Variants in SUPT6H observed in about 807,000 individuals in gnomAD.
SUPT6H encodes the protein transcription elongation factor SPT6.
A neutral mutation model predicts 222.3 loss-of-function variants in SUPT6H; 11 were observed. That is an observed-to-expected ratio of 0.05 (90% confidence interval 0.03 to 0.08). The LOEUF (loss-of-function observed/expected upper bound fraction) is 0.08, where lower values mean the gene tolerates loss of function less well. SUPT6H is among the 10% of genes least tolerant of loss of function. The pLI is 1.00. For synonymous variants in SUPT6H, 762 were observed against 801.2 expected (o/e 0.95, Z 0.83); for missense variants, 1,422 against 2,216.0 (o/e 0.64, Z 7.19).
At chr17:28,689,312 C>G in intron 24 of SUPT6H, 42 bp from the exon 25 acceptor site, 1 of 1,600,752 alleles carries the variant, frequency 6.2e-7, no homozygotes, top group East Asian at 2.2e-5. Flanking sequence ...TTACTAGAAG[C>G]TTATCGTTCT....
chr17:28,663,440 C>G (rs1190747107), intron 1 of SUPT6H, among the ~76,000 whole-genome samples: 1 of 152,146 alleles, frequency 6.6e-6, no homozygotes, highest in African/African-American at 2.4e-5. Flanking sequence ...AAAGTGGTAC[C>G]GTCTGGAGAG....
intron 29 of SUPT6H, among the ~76,000 whole-genome samples, 181 bp downstream of exon 29, chr17:28,695,728 T>C (rs774991135): frequency 2.0e-5 from 3 of 152,348 alleles, no homozygotes; most frequent in Non-Finnish European, 4.4e-5. Flanking sequence ...CCAGAGTCTC[T>C]TGGGTCACAT....
At chr17:28,691,652 C>G (rs972444704) in intron 27 of SUPT6H, 2 of 151,870 alleles carry the variant, frequency 1.3e-5, no homozygotes, top group African/African-American at 4.8e-5. Context: ...AGATCGAGAC[C>G]ATCCTGGCTA....
intron 1 of SUPT6H, among the ~76,000 whole-genome samples, chr17:28,667,550 G>A (rs1055947129): frequency 1.5e-4 from 22 of 147,496 alleles, no homozygotes; most frequent in African/African-American, 4.7e-4. Context: ...ATATATATAT[G>A]TATATATGAT....
intron 26 of SUPT6H, among the ~76,000 whole-genome samples, chr17:28,690,458 G>A (rs1176596592): frequency 6.6e-6 from 1 of 152,186 alleles, no homozygotes; most frequent in African/African-American, 2.4e-5. Flanking sequence ...TCTTCTTATA[G>A]GCTTTATTTT....
At chr17:28,687,497 T>G in intron 23 of SUPT6H, 26 bp downstream of exon 23, 1 of 1,608,462 alleles carries the variant, frequency 6.2e-7, no homozygotes, top group South Asian at 1.1e-5. Flanking sequence ...ATTCAGAAAT[T>G]TTAAAACTTG....
At position 28,676,202 on chromosome 17, in the gene SUPT6H, T is replaced by C. The variant is rs2030737757; in HGVS notation, c.669T>C (p.Tyr223=). The change falls in exon 7 of 37, where the codon TAT becomes TAC. Residue 223 remains tyrosine, a synonymous_variant. Coordinates refer to ENST00000314616, the MANE Select transcript of SUPT6H (RefSeq NM_003170.5). ...AAATCTTCGGTGTGGACTTTGACTA[T>C]GATGAATTTGAGAAATACAATGAGT... The part of the protein sequence containing the change: ...AQEIFGVDFD[Y]DEFEKYNEYD... 3 of 1,610,346 alleles carry C rather than the reference T, an allele frequency of 1.9e-6. No homozygotes were observed. The highest frequency in any genetic ancestry group is 1.7e-6 in the Non-Finnish European group (2 of 1,178,290).
intron 15 of SUPT6H, 50 bp downstream of exon 15, chr17:28,683,142 T>A: frequency 6.4e-7 from 1 of 1,561,838 alleles, no homozygotes; most frequent in Non-Finnish European, 8.7e-7. Flanking sequence ...GCTCTTTCTT[T>A]GATTGCCTGA....
intron 1 of SUPT6H, among the ~76,000 whole-genome samples, chr17:28,665,274 T>C (rs1186245976): frequency 6.6e-6 from 1 of 152,218 alleles, no homozygotes; most frequent in African/African-American, 2.4e-5. Flanking sequence ...CTACAGGTCA[T>C]ATCCTACCTA....
At chr17:28,696,786 G>T in intron 29 of SUPT6H, 58 bp from the exon 30 acceptor site, 1 of 1,500,306 alleles carries the variant, frequency 6.7e-7, no homozygotes, top group South Asian at 1.1e-5. Context: ...GGTTTGTCCT[G>T]TTGCTGCCAG....
At position 28,676,333 on chromosome 17, in the gene SUPT6H, G is replaced by C. The variant is rs1359674244; in HGVS notation, c.800G>C (p.Ser267Thr). Reference protein sequence around the residue: ...KTTKKRVSRRSIFEMYEPSEL... With the variant: ...KTTKKRVSRRTIFEMYEPSEL... ...ACCAAGAAGCGTGTGAGCCGTAGGA[G>C]CATCTTTGAAATGTATGAGCCCAGT... The change falls in exon 7 of 37, where the codon AGC becomes ACC. Residue 267 changes from serine (S) to threonine (T), a missense_variant. Coordinates refer to ENST00000314616, the MANE Select transcript of SUPT6H (RefSeq NM_003170.5). 1 of 1,613,536 alleles carries C rather than the reference G, an allele frequency of 6.2e-7. No homozygotes were observed. Among genetic ancestry groups the C allele is most frequent in the Admixed American group, 1.7e-5 (1 of 59,892 alleles).
At chr17:28,679,685 T>C (rs1184553344) in intron 11 of SUPT6H, among the ~76,000 whole-genome samples, 1 of 151,736 alleles carries the variant, frequency 6.6e-6, no homozygotes. Context: ...CGGCCGATCC[T>C]GTCTCATAAG....
At chr17:28,673,026 C>T (rs1489066678) in intron 1 of SUPT6H, among the ~76,000 whole-genome samples, 1 of 151,846 alleles carries the variant, frequency 6.6e-6, no homozygotes, top group East Asian at 2.0e-4. Context: ...TGGCGCATGC[C>T]TATAATCCCA....
intron 1 of SUPT6H, among the ~76,000 whole-genome samples, chr17:28,663,827 C>CTTTTTTTTTTTTTTTTTTT (rs1567681347): frequency 0.013 from 109 of 8,336 alleles, 4 homozygotes; most frequent in Middle Eastern, 0.1. Flanking sequence ...CTGCCCACTC[C>CTTTTTTTTTTTTTTTTTTT]ATTTTTTTTT....
chr17:28,686,134 C>T (rs1206137861), intron 19 of SUPT6H, among the ~76,000 whole-genome samples: 1 of 152,144 alleles, frequency 6.6e-6, no homozygotes, highest in South Asian at 2.1e-4. Flanking sequence ...ACCACTGGAG[C>T]GCAGTTCTAG....
Position 28,675,483 on chromosome 17 carries a change from C to T in SUPT6H, c.621C>T (p.Asp207=), listed in dbSNP as rs756343237. ...GGAAAAAGCTTCCTGGATACACAGA[C>T]GCGTGAGTGGGGTCTGGTACAAGGT... ...KWRKKLPGYT[D]AALQEAQEIF... Residue 207 remains aspartate (D), a splice_region_variant and synonymous_variant, in exon 6 of 37, where the codon GAC becomes GAT. Transcript: ENST00000314616. The T allele has an allele frequency of 1.5e-5, 25 of 1,613,972 alleles. No individual in the cohort carries two copies. The highest frequency in any genetic ancestry group is 1.6e-4 in the Middle Eastern group (1 of 6,084).
In SUPT6H at chr17:28,673,773, G is replaced by A. The variant is rs76537952; in HGVS notation, c.109+263G>A. ...TTGGGGGGTGGTTGATAATAAATCAGTAGATAAGTCTGTATATAATACTTT... is the reference window on the plus strand; with the variant it reads ...TTGGGGGGTGGTTGATAATAAATCAATAGATAAGTCTGTATATAATACTTT... On this transcript the variant is annotated intron_variant, in intron 2 of 36. Transcript: ENST00000314616. 2.2e-3 allele frequency among the ~76,000 whole-genome samples: 335 copies of A among 152,302 alleles called. 3 individuals carry two copies. Among genetic ancestry groups the A allele is most frequent in the African/African-American group, 7.2e-3 (298 of 41,558 alleles).
intron 25 of SUPT6H, 47 bp downstream of exon 25, chr17:28,689,608 G>A: frequency 6.3e-7 from 1 of 1,591,696 alleles, no homozygotes; most frequent in Non-Finnish European, 8.6e-7. Flanking sequence ...ATCCCAAGTG[G>A]CCAGGTTGGT....
Position 28,677,781 on chromosome 17 carries a change from A to G in SUPT6H, c.964A>G (p.Arg322Gly). The change falls in exon 8 of 37, where the codon AGG (arginine) becomes GGG (glycine). Residue 322 changes from arginine to glycine, a missense_variant. By Grantham distance (125) the Arg-to-Gly change is moderately radical. Transcript: ENST00000314616. The stretch of plus-strand genomic sequence containing the variant: ...AGAAGAAGAAGCTGACTGGATCTAC[A>G]GGAATGCTTTTGCCACACCAACCAT... ...ELEEEADWIY[R>G]NAFATPTISL... 1 of 1,614,240 alleles carries G rather than the reference A, an allele frequency of 6.2e-7. No homozygotes were observed. The highest frequency in any genetic ancestry group is 1.6e-4 in the Middle Eastern group (1 of 6,062).
Sources: allele counts gnomAD v4.1 joint callset (sites outside exome capture counted in the v4.1 genomes callset), GRCh38; gene constraint gnomAD v4.1.1; transcripts MANE v1.5; gene names NCBI Gene and HGNC (gene_info 2026-07-23, HGNC 2026-07-21).